The following NUP98 variants were observed in gnomAD, a reference collection of about 807,000 sequenced individuals.
NUP98 encodes nucleoporin 98 and 96 precursor, also known as nuclear pore complex protein Nup98-Nup96.
Under a neutral mutation model 191.9 loss-of-function variants are expected in NUP98, and 26 were observed. The observed-to-expected ratio is 0.14, with a 90% CI of 0.10 to 0.19. The LOEUF (loss-of-function observed/expected upper bound fraction) is 0.19, where lower values mean the gene tolerates loss of function less well. NUP98 is among the 10% of genes least tolerant of loss of function. The pLI, the probability that NUP98 is intolerant of heterozygous loss-of-function variation, is 1.00. For synonymous variants in NUP98, 808 were observed against 778.4 expected (o/e 1.04, Z -0.63); for missense variants, 1,941 against 2,178.8 (o/e 0.89, Z 2.17).
intron 22 of NUP98, among the ~76,000 whole-genome samples, chr11:3,703,257 C>T (rs767997359): frequency 1.3e-5 from 2 of 149,804 alleles, no homozygotes; most frequent in Non-Finnish European, 3.0e-5. Context: ...CGCCCTGTAG[C>T]CCAGGCTAGA....
rs777017778 is a variant in NUP98 at position 3,706,521 on chromosome 11, A to C, written c.2849T>G (p.Met950Arg). The part of the protein sequence containing the change: ...PVLDTMLEES[M>R]PEDQEPVSAS... ...AGACACAGGTTCCTGATCCTCAGGCATGCTCTCTTCTAACATGGTATCCAA... is the reference window on the plus strand; with the variant it reads ...AGACACAGGTTCCTGATCCTCAGGCCTGCTCTCTTCTAACATGGTATCCAA... Residue 950 changes from methionine to arginine, a missense_variant, in exon 21 of 33, where the codon ATG becomes AGG. This residue lies in a region of NUP98 where 1,030 missense variants were observed against 1,115.8 expected (regional missense o/e 0.92). Transcript: ENST00000324932. 1 of 1,614,164 alleles carries C rather than the reference A, an allele frequency of 6.2e-7. No homozygotes were observed. The highest frequency in any genetic ancestry group is 8.5e-7 in the Non-Finnish European group (1 of 1,180,018).
At chr11:3,797,287 G>A (rs2082699507) in intron 1 of NUP98, 113 bp downstream of exon 1, 2 of 397,406 alleles carry the variant, frequency 5.0e-6, no homozygotes, top group Non-Finnish European at 8.9e-6. Flanking sequence ...GGTGCGCGCA[G>A]CGGCGCTAGA....
intron 4 of NUP98, 78 bp from the exon 5 acceptor site, chr11:3,776,099 G>A: frequency 9.2e-7 from 1 of 1,083,570 alleles, no homozygotes; most frequent in Non-Finnish European, 1.4e-6. Flanking sequence ...ATTGGGCTAT[G>A]GCACTAGCAT....
At chr11:3,694,522 T>G (rs12286083) in intron 26 of NUP98, among the ~76,000 whole-genome samples, 2 of 150,884 alleles carry the variant, frequency 1.3e-5, no homozygotes, top group African/African-American at 4.9e-5. Context: ...AGGCAGATCA[T>G]GAGGTCAGGA....
intron 1 of NUP98, among the ~76,000 whole-genome samples, chr11:3,784,605 A>AAAAAC (rs1554904743): frequency 9.9e-5 from 14 of 141,926 alleles, no homozygotes; most frequent in Non-Finnish European, 1.6e-4. Context: ...ACAAAAAAAA[A>AAAAAC]CAAAAAACAT....
intron 29 of NUP98, among the ~76,000 whole-genome samples, chr11:3,684,563 C>T (rs1005936317): frequency 1.7e-4 from 26 of 152,196 alleles, no homozygotes; most frequent in African/African-American, 6.3e-4. Flanking sequence ...ATGTGAAATC[C>T]TTTATGACTG....
chr11:3,732,887 CT>C (rs1431949702), intron 13 of NUP98, among the ~76,000 whole-genome samples: 2 of 152,174 alleles, frequency 1.3e-5, no homozygotes, highest in Non-Finnish European at 2.9e-5. Flanking sequence ...TTGTTGTGAT[CT>C]TTCACAATTC....
chr11:3,688,392 C>G (rs1428703916), intron 28 of NUP98, among the ~76,000 whole-genome samples: 2 of 148,670 alleles, frequency 1.3e-5, no homozygotes, highest in Non-Finnish European at 3.0e-5. Context: ...GGCGACAGAG[C>G]GAGACTCCAT....
chr11:3,780,122 C>T (rs59617039), intron 2 of NUP98, among the ~76,000 whole-genome samples: 10,874 of 152,080 alleles, frequency 0.072, 410 homozygotes, highest in Middle Eastern at 0.1. Context: ...ATGAGAGATA[C>T]ATATTTTGAA....
At chr11:3,756,685 G>T (rs2080969424) in intron 10 of NUP98, among the ~76,000 whole-genome samples, 1 of 152,006 alleles carries the variant, frequency 6.6e-6, no homozygotes, top group South Asian at 2.1e-4. Context: ...GTCTCCCAAA[G>T]TGCTGGGATT....
chr11:3,783,086 T>G (rs1161343526), intron 1 of NUP98, among the ~76,000 whole-genome samples: 2 of 152,182 alleles, frequency 1.3e-5, no homozygotes, highest in African/African-American at 2.4e-5. Context: ...CAGAAAAACC[T>G]TTGATGAAAA....
intron 8 of NUP98, among the ~76,000 whole-genome samples, chr11:3,767,829 A>C (rs1228072547): frequency 6.6e-6 from 1 of 151,742 alleles, no homozygotes; most frequent in Non-Finnish European, 1.5e-5. Context: ...AAAAAAAAAA[A>C]CAAAAAAACT....
rs566545168 is a variant in NUP98, at chr11:3,694,846, T to C, written c.4167+603A>G. Among the ~76,000 whole-genome samples, 3 of 151,444 alleles carry C rather than the reference T, an allele frequency of 2.0e-5. No individual in the cohort carries two copies. In the East Asian group the frequency reaches 5.8e-4, roughly 29 times the overall value. ...TGACAGGATCCCTTTAGGCCAGGAG[T>C]TCAAGACAAGCCTAGGCAACATACT... On this transcript the variant is annotated intron_variant, in intron 26 of 32. Transcript: ENST00000324932.
chr11:3,792,953 T>C (rs986260283), intron 1 of NUP98, among the ~76,000 whole-genome samples: 35 of 151,446 alleles, frequency 2.3e-4, no homozygotes, highest in African/African-American at 8.5e-4. Context: ...CTACTAAAAA[T>C]ACAAAAAATT....
At chr11:3,779,099 A>C (rs752189635) in intron 3 of NUP98, 50 bp from the exon 4 acceptor site, 3 of 1,612,798 alleles carry the variant, frequency 1.9e-6, no homozygotes, top group Non-Finnish European at 2.5e-6. Context: ...AGAGCCACTA[A>C]GTCAATTCCT....
At chr11:3,765,684 C>T (rs2134551449) in intron 8 of NUP98, among the ~76,000 whole-genome samples, 1 of 151,776 alleles carries the variant, frequency 6.6e-6, no homozygotes, top group East Asian at 1.9e-4. Context: ...ACCTGTAATC[C>T]CAGTTACTCA....
intron 7 of NUP98, among the ~76,000 whole-genome samples, chr11:3,769,111 A>G (rs74049702): frequency 3.2e-4 from 49 of 152,280 alleles, no homozygotes; most frequent in African/African-American, 1.2e-3. Context: ...TCCAGCCCAG[A>G]GTCTGATATG....
chr11:3,695,367 G>C, intron 26 of NUP98, 82 bp downstream of exon 26: 7 of 1,279,762 alleles, frequency 5.5e-6, no homozygotes, highest in Non-Finnish European at 7.3e-6. Flanking sequence ...AATTTACAAA[G>C]ATCACTCCTT....
chr11:3,793,098 A>G (rs2082410316), intron 1 of NUP98, among the ~76,000 whole-genome samples: 1 of 152,164 alleles, frequency 6.6e-6, no homozygotes, highest in Non-Finnish European at 1.5e-5. Flanking sequence ...GCGACAGAGC[A>G]CGACTCCGTC....
Sources: gnomAD v4.1 joint callset for allele counts (sites outside exome capture counted in the v4.1 genomes callset) on GRCh38, gnomAD v4.1.1 for gene constraint, gnomAD v4.1.1 regional missense constraint, MANE v1.5 for transcripts, NCBI Gene and HGNC (gene_info 2026-07-23, HGNC 2026-07-21) for gene names.